Variants in RSRC1 observed in about 807,000 individuals in gnomAD.
RSRC1 encodes arginine and serine rich coiled-coil 1, also known as serine/Arginine-related protein 53.
In RSRC1, 39 loss-of-function variants were observed where a neutral mutation model predicts 49.1. The ratio of observed to expected loss-of-function variants is 0.79; its 90% confidence interval spans 0.61 to 1.04. The LOEUF (loss-of-function observed/expected upper bound fraction) is 1.04. Ranked by LOEUF, RSRC1 falls within the 50% of genes least tolerant of loss-of-function variation. The pLI, the probability that RSRC1 is intolerant of heterozygous loss-of-function variation, is 0.00. For missense variants in RSRC1, 388 were observed against 402.4 expected (o/e 0.96, Z 0.31); for synonymous variants, 143 against 130.8 (o/e 1.09, Z -0.63).
At chr3:158,536,130 G>A (rs558121113) in intron 7 of RSRC1, among the ~76,000 whole-genome samples, 34 of 151,506 alleles carry the variant, frequency 2.2e-4, no homozygotes, top group African/African-American at 7.7e-4. Context: ...AGTAGGAAAC[G>A]TGCATCCTGA....
intron 6 of RSRC1, among the ~76,000 whole-genome samples, chr3:158,433,621 A>C (rs1189124869): frequency 6.6e-6 from 1 of 151,984 alleles, no homozygotes; most frequent in African/African-American, 2.4e-5. Context: ...GTAGCTAAAT[A>C]GTTGGGAAGC....
At chr3:158,181,232 A>C (rs1488121453) in intron 3 of RSRC1, among the ~76,000 whole-genome samples, 1 of 152,204 alleles carries the variant, frequency 6.6e-6, no homozygotes, top group East Asian at 1.9e-4. Context: ...GAACTGTGCT[A>C]GCAACTAGAT....
chr3:158,477,796 A>ATTTT (rs1281083761), intron 7 of RSRC1, among the ~76,000 whole-genome samples: 1 of 44,550 alleles, frequency 2.2e-5, no homozygotes. Flanking sequence ...TGCGGGAGGG[A>ATTTT]TTTATATATA....
intron 6 of RSRC1, among the ~76,000 whole-genome samples, chr3:158,381,348 A>G (rs1418922315): frequency 6.6e-6 from 1 of 152,172 alleles, no homozygotes. Flanking sequence ...ATCTGCTTCA[A>G]ATGCCATGTG....
At chr3:158,274,260 C>T (rs1341784881) in intron 4 of RSRC1, among the ~76,000 whole-genome samples, 2 of 151,964 alleles carry the variant, frequency 1.3e-5, no homozygotes, top group Non-Finnish European at 2.9e-5. Context: ...AATTCAATGC[C>T]TGTAAAACTG....
At chr3:158,112,791 C>G (rs553081176) in intron 1 of RSRC1, among the ~76,000 whole-genome samples, 2 of 152,178 alleles carry the variant, frequency 1.3e-5, no homozygotes, top group African/African-American at 4.8e-5. Flanking sequence ...CTGATGCTCT[C>G]CCTTCCCCCA....
chr3:158,446,454 T>C (rs1736726044), intron 6 of RSRC1, among the ~76,000 whole-genome samples: 1 of 151,978 alleles, frequency 6.6e-6, no homozygotes, highest in Non-Finnish European at 1.5e-5. Context: ...ATTTCAAGTA[T>C]GCTGAAAACC....
At chr3:158,500,245 A>T (rs562463060) in intron 7 of RSRC1, among the ~76,000 whole-genome samples, 2 of 152,186 alleles carry the variant, frequency 1.3e-5, no homozygotes, top group African/African-American at 2.4e-5. Flanking sequence ...ATCTTTTCAA[A>T]ATGTTGTTGG....
chr3:158,527,361 T>A (rs887362085), intron 7 of RSRC1, among the ~76,000 whole-genome samples: 3 of 151,908 alleles, frequency 2.0e-5, no homozygotes, highest in Admixed American at 6.6e-5. Context: ...AGAAGAGAGT[T>A]GGAGATTTTT....
chr3:158,472,573 A>G (rs1432486549), intron 7 of RSRC1, among the ~76,000 whole-genome samples: 2 of 152,184 alleles, frequency 1.3e-5, no homozygotes, highest in African/African-American at 4.8e-5. Flanking sequence ...GTTTTCTACT[A>G]TGTTTTTTCC....
intron 5 of RSRC1, among the ~76,000 whole-genome samples, chr3:158,302,276 C>T (rs1727595853): frequency 6.6e-6 from 1 of 152,102 alleles, no homozygotes; most frequent in Non-Finnish European, 1.5e-5. Flanking sequence ...ATAGGTTTCT[C>T]TTGACCCTCA....
rs1161504489 is a variant in RSRC1, at chr3:158,399,123, C to CTTTTTTTTT, written c.583+44256_583+44264dup. 1.7e-4 allele frequency among the ~76,000 whole-genome samples: 5 copies of CTTTTTTTTT among 30,110 alleles called. 2 individuals carry two copies. The highest frequency in any genetic ancestry group is 1.4e-3 in the East Asian group (2 of 1,400). 19.8% of individuals were successfully genotyped at this position (30,110 alleles called of 152,430 possible). On this transcript the variant is annotated intron_variant, in intron 6 of 9. Coordinates refer to ENST00000611884, the MANE Select transcript of RSRC1 (RefSeq NM_001271838.2). ...GTCTTATAAGAAATACTATTATTTC[C>CTTTTTTTTT]TTTTTTTTTTTTTTTTTTTTTTTTT...
intron 3 of RSRC1, among the ~76,000 whole-genome samples, chr3:158,184,276 G>T (rs1166073866): frequency 3.1e-5 from 3 of 97,348 alleles, no homozygotes; most frequent in East Asian, 3.9e-4. Context: ...CTATTATATG[G>T]TTTATGAAAA....
chr3:158,198,650 G>A (rs916916636), intron 3 of RSRC1, among the ~76,000 whole-genome samples: 1 of 151,966 alleles, frequency 6.6e-6, no homozygotes, highest in African/African-American at 2.4e-5. Context: ...TCCATGTTTA[G>A]TGCTTCCTTC....
intron 3 of RSRC1, among the ~76,000 whole-genome samples, chr3:158,200,333 C>T (rs996682902): frequency 3.9e-5 from 6 of 152,218 alleles, no homozygotes; most frequent in East Asian, 3.9e-4. Flanking sequence ...CTACCACGCC[C>T]GGCCTGGCCA....
At chr3:158,185,506 G>C (rs1011945618) in intron 3 of RSRC1, among the ~76,000 whole-genome samples, 1 of 151,644 alleles carries the variant, frequency 6.6e-6, no homozygotes, top group African/African-American at 2.4e-5. Flanking sequence ...AATAAATATA[G>C]CCAACTAATG....
At chr3:158,176,833 G>T (rs564776722) in intron 3 of RSRC1, among the ~76,000 whole-genome samples, 1 of 152,124 alleles carries the variant, frequency 6.6e-6, no homozygotes, top group Non-Finnish European at 1.5e-5. Flanking sequence ...CACGGCAAAA[G>T]AAACTACCAT....
chr3:158,537,934 T>A (rs1712808269), intron 8 of RSRC1, among the ~76,000 whole-genome samples: 1 of 151,828 alleles, frequency 6.6e-6, no homozygotes, highest in Non-Finnish European at 1.5e-5. Flanking sequence ...TTCAGAGATT[T>A]TAAGTACATG....
intron 5 of RSRC1, among the ~76,000 whole-genome samples, chr3:158,310,124 C>A (rs937087408): frequency 1.3e-5 from 2 of 151,420 alleles, no homozygotes; most frequent in African/African-American, 2.4e-5. Context: ...CTTATAAATA[C>A]CTTACTTCAC....
Sources: allele counts gnomAD v4.1 joint callset (sites outside exome capture counted in the v4.1 genomes callset), GRCh38; gene constraint gnomAD v4.1.1; transcripts MANE v1.5; gene names NCBI Gene and HGNC (gene_info 2026-07-23, HGNC 2026-07-21).